Variants in TMEM131L observed in about 807,000 individuals in gnomAD.
TMEM131L encodes transmembrane 131 like.
TMEM131L carries 54 observed loss-of-function variants against 192.2 expected under a neutral mutation model. The observed-to-expected ratio is 0.28, with a 90% CI of 0.23 to 0.35. The LOEUF is 0.35. Among genes scored for constraint, TMEM131L ranks in the 10% least tolerant of loss-of-function variants. The probability of loss-of-function intolerance (pLI) is 1.00; values close to 1 mark genes in which losing one functional copy is unlikely to be tolerated. For missense variants in TMEM131L, 1,888 were observed against 1,972.9 expected, an observed-to-expected ratio of 0.96 and a Z score of 0.82; for synonymous variants, 701 against 704.9, an observed-to-expected ratio of 0.99 and a Z score of 0.09.
chr4:153,485,721 A>C (rs1732285206), intron 3 of TMEM131L, among the ~76,000 whole-genome samples: 1 of 152,134 alleles, frequency 6.6e-6, no homozygotes, highest in South Asian at 2.1e-4. Flanking sequence ...TTTTTGGTGG[A>C]GTAATTCTTC....
At chr4:153,549,616 A>T (rs1737456711) in intron 3 of TMEM131L, among the ~76,000 whole-genome samples, 1 of 152,166 alleles carries the variant, frequency 6.6e-6, no homozygotes, top group Non-Finnish European at 1.5e-5. Flanking sequence ...TATGATTGTT[A>T]TTCTTATGCA....
At chr4:153,600,333 C>G (rs1731744533) in intron 21 of TMEM131L, among the ~76,000 whole-genome samples, 1 of 150,696 alleles carries the variant, frequency 6.6e-6, no homozygotes, top group African/African-American at 2.4e-5. Context: ...TGCCACTGCA[C>G]TCCAGCGTGG....
intron 34 of TMEM131L, among the ~76,000 whole-genome samples, chr4:153,636,028 C>T (rs962894163): frequency 6.6e-6 from 1 of 152,108 alleles, no homozygotes; most frequent in Non-Finnish European, 1.5e-5. Flanking sequence ...CTTTCACATC[C>T]GCTTGACACT....
rs201245535 is a variant in TMEM131L at position 153,469,314 on chromosome 4, G to GACAC, written c.195+2056_195+2059dup. Among the ~76,000 whole-genome samples the GACAC allele has an allele frequency of 1.5e-3, 224 of 148,922 alleles. 1 individual carries two copies. Among genetic ancestry groups the GACAC allele is most frequent in the Middle Eastern group, 3.4e-3 (1 of 290 alleles). On this transcript the variant is annotated intron_variant, in intron 2 of 34. Coordinates refer to ENST00000409959, the MANE Select transcript of TMEM131L (RefSeq NM_001131007.2). ...TATACCTGGGCCCAAGGGTAAGGGA[G>GACAC]ACACACACACACACACACACACACA... is the stretch of plus-strand genomic sequence containing the variant.
chr4:153,615,722 A>G lies in TMEM131L; in HGVS notation c.3567+3322A>G, dbSNP rs1732929641. 2.0e-5 allele frequency among the ~76,000 whole-genome samples: 3 copies of G among 152,030 alleles called. No individual in the cohort carries two copies. In the South Asian group the frequency reaches 6.2e-4, roughly 32 times the overall value. On this transcript the variant is annotated intron_variant, in intron 26 of 34. Transcript: ENST00000409959. ...TAGAAACTGATGCTGCCATGCACTG[A>G]CTCCAGCAGATACATAGCGTTGTGT...
At chr4:153,586,086 G>C (rs2150781823) in intron 13 of TMEM131L, 123 bp from the exon 14 acceptor site, 1 of 676,186 alleles carries the variant, frequency 1.5e-6, no homozygotes, top group East Asian at 3.2e-5. Context: ...CTTTTGATCT[G>C]GAAATAACTG....
At chr4:153,618,359 G>A (rs1185851623) in intron 26 of TMEM131L, among the ~76,000 whole-genome samples, 1 of 151,194 alleles carries the variant, frequency 6.6e-6, no homozygotes, top group African/African-American at 2.4e-5. Context: ...TGCCTGTAGT[G>A]TCAGCTACTC....
At chr4:153,537,747 A>G (rs1736448181) in intron 3 of TMEM131L, among the ~76,000 whole-genome samples, 1 of 152,182 alleles carries the variant, frequency 6.6e-6, no homozygotes, top group Non-Finnish European at 1.5e-5. Context: ...AGAATGCCTT[A>G]ACTGTCTGGG....
chr4:153,559,580 A>G (rs947996341), intron 7 of TMEM131L, among the ~76,000 whole-genome samples: 4 of 152,114 alleles, frequency 2.6e-5, no homozygotes, highest in African/African-American at 9.7e-5. Flanking sequence ...GGCCTCCTAG[A>G]GAGCTAGAAC....
At chr4:153,582,420 G>GTTTTTTTTTTTTTTTTTTTTTTT (rs1216119441) in intron 9 of TMEM131L, among the ~76,000 whole-genome samples, 4 of 81,832 alleles carry the variant, frequency 4.9e-5, no homozygotes, top group Non-Finnish European at 7.1e-5. Context: ...AATTTAAACC[G>GTTTTTTTTTTTTTTTTTTTTTTT]TTTTTTTTTG....
chr4:153,514,389 T>C lies in TMEM131L; in HGVS notation c.240-35684T>C, dbSNP rs571705105. 4.8e-4 allele frequency among the ~76,000 whole-genome samples: 73 copies of C among 152,350 alleles called. 1 individual carries two copies. Among genetic ancestry groups the C allele is most frequent in the African/African-American group, 1.8e-3 (73 of 41,586 alleles). On this transcript the variant is annotated intron_variant, in intron 3 of 34. Coordinates refer to ENST00000409959, the MANE Select transcript of TMEM131L (RefSeq NM_001131007.2). Reference sequence around the variant, plus strand: ...TTGTCTCGGCTGAGTAGAGAATTGCTTTTTAAATGATGAGAAATGAGTCAA... The same window carrying C: ...TTGTCTCGGCTGAGTAGAGAATTGCCTTTTAAATGATGAGAAATGAGTCAA...
chr4:153,546,622 CCCCAGTTTTTTA>C (rs1483380989), intron 3 of TMEM131L, among the ~76,000 whole-genome samples: 2 of 152,122 alleles, frequency 1.3e-5, no homozygotes, highest in African/African-American at 4.8e-5. Context: ...TCCCACACTC[CCCCAGTTTTTTA>C]ACAAATATTT....
At chr4:153,599,392 G>A (rs954289324) in intron 21 of TMEM131L, among the ~76,000 whole-genome samples, 1 of 152,050 alleles carries the variant, frequency 6.6e-6, no homozygotes, top group Middle Eastern at 3.2e-3. Context: ...ATTTTGGTGA[G>A]GACGCAGATC....
intron 3 of TMEM131L, among the ~76,000 whole-genome samples, chr4:153,491,862 G>T (rs759707862): frequency 1.8e-4 from 28 of 151,980 alleles, no homozygotes; most frequent in Admixed American, 7.9e-4. Flanking sequence ...ACTTGCCACC[G>T]TGTCTGGCTA....
chr4:153,560,142 C>T (rs1016071487), intron 7 of TMEM131L, among the ~76,000 whole-genome samples: 1 of 152,240 alleles, frequency 6.6e-6, no homozygotes, highest in African/African-American at 2.4e-5. Flanking sequence ...CTTCCGCTCC[C>T]ATACTTATAT....
intron 31 of TMEM131L, among the ~76,000 whole-genome samples, chr4:153,628,028 T>G (rs947076584): frequency 6.6e-6 from 1 of 152,168 alleles, no homozygotes; most frequent in African/African-American, 2.4e-5. Flanking sequence ...GTACAGAAGG[T>G]AGATGCGTGG....
chr4:153,533,204 C>T (rs1271691367), intron 3 of TMEM131L, among the ~76,000 whole-genome samples: 2 of 152,196 alleles, frequency 1.3e-5, no homozygotes, highest in East Asian at 1.9e-4. Flanking sequence ...AGGCTGGTCT[C>T]GAACTCCCGA....
intron 3 of TMEM131L, among the ~76,000 whole-genome samples, chr4:153,478,044 A>G (rs992694579): frequency 6.6e-6 from 1 of 152,130 alleles, no homozygotes; most frequent in Admixed American, 6.5e-5. Flanking sequence ...ACCTTAATTT[A>G]TATGTTTTAT....
intron 3 of TMEM131L, among the ~76,000 whole-genome samples, chr4:153,546,341 C>G (rs1737174055): frequency 6.6e-6 from 1 of 151,726 alleles, no homozygotes; most frequent in African/African-American, 2.4e-5. Context: ...GTGGGGACTC[C>G]TAAGAGTAAA....
Sources: gnomAD v4.1 joint callset for allele counts (sites outside exome capture counted in the v4.1 genomes callset) on GRCh38, gnomAD v4.1.1 for gene constraint, MANE v1.5 for transcripts, NCBI Gene and HGNC (gene_info 2026-07-23, HGNC 2026-07-21) for gene names.